The following AKAP11 variants were observed in gnomAD, a reference collection of about 807,000 sequenced individuals.
AKAP11 encodes A-kinase anchor protein 11.
In AKAP11, 36 loss-of-function variants were observed where a neutral mutation model predicts 146.1. The observed-to-expected ratio is 0.25, with a 90% CI of 0.19 to 0.33. The LOEUF is 0.33. Ranked by LOEUF, AKAP11 falls within the 10% of genes least tolerant of loss-of-function variation. The pLI is 1.00. For missense variants in AKAP11, 2,201 were observed against 2,197.0 expected (o/e 1.00, Z -0.04); for synonymous variants, 780 against 786.5 (o/e 0.99, Z 0.14).
Position 42,302,615 on chromosome 13 carries a change from G to A in AKAP11, c.3869G>A (p.Cys1290Tyr). The stretch of plus-strand genomic sequence containing the variant: ...CTTTTCAAGCAAAAGAAGAACAGTT[G>A]TTATGCTGATGGTGACGAAGATTAT... ...CMLFKQKKNS[C>Y]YADGDEDYKV... is the part of the protein sequence containing the mutation. Residue 1290 changes from cysteine (C) to tyrosine (Y), a missense_variant, in exon 8 of 13, where the codon TGT (cysteine) becomes TAT (tyrosine). Cys to Tyr is a radical substitution (Grantham distance 194, BLOSUM62 -2). Coordinates refer to ENST00000025301, the MANE Select transcript of AKAP11 (RefSeq NM_016248.4). The A allele has an allele frequency of 1.2e-6, 2 of 1,614,150 alleles. No homozygotes were observed. The highest frequency in any genetic ancestry group is 1.7e-6 in the Non-Finnish European group (2 of 1,180,022).
intron 3 of AKAP11, among the ~76,000 whole-genome samples, chr13:42,291,357 A>G (rs1450023702): frequency 2.0e-5 from 3 of 152,148 alleles, no homozygotes; most frequent in Non-Finnish European, 2.9e-5. Flanking sequence ...GGTTCAAGCA[A>G]TTCTTCTGCC....
intron 1 of AKAP11, among the ~76,000 whole-genome samples, chr13:42,276,104 T>C (rs914258877): frequency 6.6e-6 from 1 of 152,216 alleles, no homozygotes; most frequent in Non-Finnish European, 1.5e-5. Flanking sequence ...TCATAGATGC[T>C]CTCTTGAATT....
chr13:42,279,364 AAAGTCACTTACACTCTACGTTTGTTTTT>A (rs1299794992), intron 1 of AKAP11, among the ~76,000 whole-genome samples: 1 of 152,196 alleles, frequency 6.6e-6, no homozygotes, highest in African/African-American at 2.4e-5. Context: ...TGGTGCTTAA[AAAGTCACTTACACTCTACGTTTGTTTTT>A]AAGTTTTGTC....
Position 42,298,665 on chromosome 13 carries a change from C to T in AKAP11, c.484C>T (p.Gln162Ter). 1 of 1,612,142 alleles carries T rather than the reference C, an allele frequency of 6.2e-7. No individual in the cohort carries two copies. Among genetic ancestry groups the T allele is most frequent in the Non-Finnish European group, 8.5e-7 (1 of 1,179,300 alleles). Reference sequence around the variant, plus strand: ...GTACACCTTGGACACATTCTTGCATCAGAAGCACCAACTTGAGACCACTGA... The same window carrying T: ...GTACACCTTGGACACATTCTTGCATTAGAAGCACCAACTTGAGACCACTGA... ...IRYTLDTFLH[Q>*]KHQLETTDED... is the part of the protein sequence containing the mutation. The change falls in exon 7 of 13, where the codon CAG becomes TAG. Residue 162 changes from glutamine (Q) to a stop codon, truncating the protein, a stop_gained. Transcript: ENST00000025301. LOFTEE classifies it high-confidence loss of function.
chr13:42,322,750 C>T lies in AKAP11; in HGVS notation c.*3522C>T, dbSNP rs1333199745. The T allele has an allele frequency of 1.3e-5, 2 of 152,568 alleles. No homozygotes were observed. The highest frequency in any genetic ancestry group is 2.9e-5 in the Non-Finnish European group (2 of 67,982). 9.5% of individuals were successfully genotyped at this position (152,568 alleles called of 1,614,324 possible). A position where few individuals can be genotyped will look rare whatever the true frequency, so the allele number is the denominator to read the frequency against. On this transcript the variant is annotated 3_prime_UTR_variant, in exon 13 of 13. Coordinates refer to ENST00000025301, the MANE Select transcript of AKAP11 (RefSeq NM_016248.4). ...CTGAAGATGTGGATACAGAATTAGT[C>T]ACTCTTGTCACTTTATTTATTTATT...
At chr13:42,297,229 A>C (rs766264114) in intron 6 of AKAP11, 47 bp downstream of exon 6, 2 of 1,328,294 alleles carry the variant, frequency 1.5e-6, no homozygotes, top group Non-Finnish European at 2.0e-6. Context: ...GGCAAATTTT[A>C]CTATATTTGA....
rs368594160 is a variant in AKAP11, at chr13:42,303,355, G to T, written c.4609G>T (p.Val1537Phe). 4 of 1,612,826 alleles carry T rather than the reference G, an allele frequency of 2.5e-6. No homozygotes were observed. Among genetic ancestry groups the T allele is most frequent in the Non-Finnish European group, 3.4e-6 (4 of 1,180,030 alleles). ...TGGATATGGTTGTGGAGACAATGTTGTTCAAGCTGTAGAACAGTATGCCAA... is the reference window on the plus strand; with the variant it reads ...TGGATATGGTTGTGGAGACAATGTTTTTCAAGCTGTAGAACAGTATGCCAA... The part of the protein sequence containing the change: ...LNGYGCGDNV[V>F]QAVEQYAKKV... Residue 1537 changes from valine to phenylalanine, a missense_variant, in exon 8 of 13, where the codon GTT becomes TTT. Transcript: ENST00000025301.
At chr13:42,308,929 C>CT (rs1323762479) in intron 9 of AKAP11, among the ~76,000 whole-genome samples, 3 of 151,346 alleles carry the variant, frequency 2.0e-5, no homozygotes, top group East Asian at 3.9e-4. Context: ...AAAAAGGGTA[C>CT]TTTTTTTTCT....
intron 1 of AKAP11, among the ~76,000 whole-genome samples, chr13:42,279,717 A>G (rs1452624763): frequency 2.6e-5 from 4 of 151,450 alleles, no homozygotes; most frequent in African/African-American, 9.7e-5. Context: ...TATGGTTCAT[A>G]TTTTTCTCTT....
chr13:42,303,530 T>C lies in AKAP11; in HGVS notation c.4784T>C (p.Leu1595Pro), dbSNP rs1268240556. 1 of 1,614,192 alleles carries C rather than the reference T, an allele frequency of 6.2e-7. No individual in the cohort carries two copies. The highest frequency in any genetic ancestry group is 8.5e-7 in the Non-Finnish European group (1 of 1,180,034). Reference sequence around the variant, plus strand: ...TGCAGATACTGTGACCTTAAAGAACTCCACAATTGCACTGGAAATTCATCT... The same window carrying C: ...TGCAGATACTGTGACCTTAAAGAACCCCACAATTGCACTGGAAATTCATCT... ...QACRYCDLKELHNCTGNSSQH... is the reference protein window; with the variant it reads ...QACRYCDLKEPHNCTGNSSQH... Residue 1595 changes from leucine (L) to proline (P), a missense_variant, in exon 8 of 13, where the codon CTC (leucine) becomes CCC (proline). By Grantham distance (98) the Leu-to-Pro change is moderately conservative. Transcript: ENST00000025301.
intron 8 of AKAP11, among the ~76,000 whole-genome samples, chr13:42,305,662 G>A (rs1303546277): frequency 2.0e-5 from 3 of 152,208 alleles, no homozygotes; most frequent in African/African-American, 7.2e-5. Flanking sequence ...GGCTGCCTTT[G>A]TGCTATAATG....
At chr13:42,305,357 A>T (rs1190312702) in intron 8 of AKAP11, among the ~76,000 whole-genome samples, 1 of 152,104 alleles carries the variant, frequency 6.6e-6, no homozygotes, top group African/African-American at 2.4e-5. Context: ...TCTACTTGAG[A>T]TGAGAGATGA....
intron 1 of AKAP11, among the ~76,000 whole-genome samples, chr13:42,274,024 A>G (rs1211635567): frequency 6.6e-6 from 1 of 152,228 alleles, no homozygotes; most frequent in Non-Finnish European, 1.5e-5. Flanking sequence ...TTAGCAAACT[A>G]ATTTTCAGAA....
At chr13:42,318,972 C>G (rs1024021048) in intron 12 of AKAP11, 116 bp from the exon 13 acceptor site, 84 of 1,222,056 alleles carry the variant, frequency 6.9e-5, no homozygotes, top group Non-Finnish European at 9.1e-5. Context: ...AACTAGGAAA[C>G]GGTATTTAAT....
Position 42,300,697 on chromosome 13 carries a change from G to C in AKAP11, c.1951G>C (p.Ala651Pro). 1 of 1,614,116 alleles carries C rather than the reference G, an allele frequency of 6.2e-7. No individual in the cohort carries two copies. The highest frequency in any genetic ancestry group is 8.5e-7 in the Non-Finnish European group (1 of 1,179,962). Residue 651 changes from alanine (A) to proline (P), a missense_variant, in exon 8 of 13, where the codon GCT becomes CCT. Ala to Pro is a conservative substitution (Grantham distance 27). Coordinates refer to ENST00000025301, the MANE Select transcript of AKAP11 (RefSeq NM_016248.4). ...NTVARFAADLAEELVFEGIME... is the reference protein window; with the variant it reads ...NTVARFAADLPEELVFEGIME... ...AGTTGCTAGGTTTGCTGCAGATCTT[G>C]CTGAAGAGCTTGTTTTTGAAGGCAT...
At chr13:42,305,333 AT>A (rs888826007) in intron 8 of AKAP11, among the ~76,000 whole-genome samples, 132 of 152,292 alleles carry the variant, frequency 8.7e-4, no homozygotes, top group African/African-American at 3.0e-3. Context: ...CTTGAATCCA[AT>A]TGCTCCATAG....
In AKAP11 at chr13:42,320,321, G is replaced by T. The variant is rs560796612; in HGVS notation, c.*1093G>T. On this transcript the variant is annotated 3_prime_UTR_variant, in exon 13 of 13. Transcript: ENST00000025301. Reference sequence around the variant, plus strand: ...AAAAATTGGGATTTCCCCCCACCCCGCCCCACCCAGATAAACTATATCTAC... The same window carrying T: ...AAAAATTGGGATTTCCCCCCACCCCTCCCCACCCAGATAAACTATATCTAC... 1 of 46,186 alleles carries T rather than the reference G, an allele frequency of 2.2e-5. No homozygotes were observed. Among genetic ancestry groups the T allele is most frequent in the Admixed American group, 2.3e-4 (1 of 4,408 alleles). The allele number at this position is 46,186 out of a possible 1,614,324, so 2.9% of individuals were successfully genotyped here.
intron 3 of AKAP11, among the ~76,000 whole-genome samples, chr13:42,286,907 C>T (rs1218921495): frequency 6.6e-6 from 1 of 152,178 alleles, no homozygotes; most frequent in Non-Finnish European, 1.5e-5. Flanking sequence ...TTTGCTAAAA[C>T]TTTGGAGGCA....
rs192708360 is a variant in AKAP11 at position 42,277,747 on chromosome 13, A to G, written c.-100+5519A>G. Among the ~76,000 whole-genome samples the G allele has an allele frequency of 3.1e-3, 466 of 152,266 alleles. 1 individual carries two copies. Among genetic ancestry groups the G allele is most frequent in the African/African-American group, 0.01 (430 of 41,550 alleles). On this transcript the variant is annotated intron_variant, in intron 1 of 12. Transcript: ENST00000025301. ...AGCTCGTTCACTTCAGTAAATCTAT[A>G]GTTGCTTATTATGAGTAAGGCCTTT...
Sources: gnomAD v4.1 joint callset for allele counts (sites outside exome capture counted in the v4.1 genomes callset) on GRCh38, gnomAD v4.1.1 for gene constraint, MANE v1.5 for transcripts, NCBI Gene and HGNC (gene_info 2026-07-23, HGNC 2026-07-21) for gene names.